YPEL5: variants seen among roughly 807,000 people sequenced by gnomAD.
YPEL5 encodes yippee like 5.
YPEL5 carries 1 observed loss-of-function variant against 10.5 expected under a neutral mutation model. The observed-to-expected ratio is 0.10, with a 90% CI of 0.03 to 0.45. The LOEUF is 0.45. Ranked by LOEUF, YPEL5 falls within the 20% of genes least tolerant of loss-of-function variation. The pLI is 0.97. For missense variants in YPEL5, 68 were observed against 159.3 expected (o/e 0.43, Z 3.09); for synonymous variants, 61 against 56.6 (o/e 1.08, Z -0.35).
chr2:30,149,153 A>G (rs1328528712), intron 1 of YPEL5, among the ~76,000 whole-genome samples: 3 of 152,218 alleles, frequency 2.0e-5, no homozygotes, highest in Non-Finnish European at 4.4e-5. Context: ...ATTGTGCACT[A>G]ACACACAAGG....
At chr2:30,150,416 AC>A (rs1675729023) in intron 1 of YPEL5, among the ~76,000 whole-genome samples, 1 of 152,196 alleles carries the variant, frequency 6.6e-6, no homozygotes, top group Non-Finnish European at 1.5e-5. Context: ...AGGATAACTC[AC>A]CCAGTGTTTC....
intron 1 of YPEL5, 62 bp from the exon 2 acceptor site, chr2:30,156,566 C>T (rs1483728315): frequency 6.7e-7 from 1 of 1,500,552 alleles, no homozygotes; most frequent in African/African-American, 1.4e-5. Context: ...TATGACACCC[C>T]CCAAGTAGGT....
At position 30,152,494 on chromosome 2, in the gene YPEL5, T is replaced by C. The variant is rs147123516; in HGVS notation, c.-24-4134T>C. Reference sequence around the variant, plus strand: ...TTTTTAAATGACTTACTAGGGTTTCTAGTTTAGGAGAGTTTGTGATTGCAG... The same window carrying C: ...TTTTTAAATGACTTACTAGGGTTTCCAGTTTAGGAGAGTTTGTGATTGCAG... On this transcript the variant is annotated intron_variant, in intron 1 of 2. Coordinates refer to ENST00000261353, the MANE Select transcript of YPEL5 (RefSeq NM_016061.3). Among the ~76,000 whole-genome samples the C allele has an allele frequency of 5.0e-3, 755 of 152,306 alleles. 12 individuals are homozygous for C. The highest frequency in any genetic ancestry group is 0.017 in the African/African-American group (727 of 41,556).
At chr2:30,157,351 G>A (rs1040913027) in intron 2 of YPEL5, among the ~76,000 whole-genome samples, 2 of 152,022 alleles carry the variant, frequency 1.3e-5, no homozygotes, top group Admixed American at 6.5e-5. Context: ...TAAGAATTTG[G>A]TAGCAACTTC....
rs539967905 is a variant in YPEL5, at chr2:30,149,393, A to G, written c.-25+2331A>G. 2.0e-5 allele frequency among the ~76,000 whole-genome samples: 3 copies of G among 152,320 alleles called. No homozygotes were observed. The East Asian group carries it at 5.8e-4, about 29-fold the overall frequency. ...GTCACGTACTGCAAGAGGAAAGCAG[A>G]GCTTGCTTGTGTCACTGAAAACTTA... On this transcript the variant is annotated intron_variant, in intron 1 of 2. Coordinates refer to ENST00000261353, the MANE Select transcript of YPEL5 (RefSeq NM_016061.3).
intron 2 of YPEL5, among the ~76,000 whole-genome samples, chr2:30,157,990 C>T (rs1676116518): frequency 6.6e-6 from 1 of 152,216 alleles, no homozygotes. Flanking sequence ...GAAATATGTA[C>T]TATCTGGCCC....
Position 30,158,788 on chromosome 2 carries a change from C to G in YPEL5, c.311C>G (p.Ala104Gly). ...GAAGGCCGCGTGATCCTGGAACGTG[C>G]TCTAGTTCGAGAGAGTGAGGGCTTT... ...YKEGRVILERALVRESEGFEE... is the reference protein window; with the variant it reads ...YKEGRVILERGLVRESEGFEE... The change falls in exon 3 of 3, where the codon GCT becomes GGT. Residue 104 changes from alanine (A) to glycine (G), a missense_variant. Physicochemically the swap from Ala to Gly is moderately conservative, Grantham distance 60 (BLOSUM62 0). This residue lies in a region of YPEL5 where 20 missense variants were observed against 21.0 expected (regional missense o/e 0.95). Coordinates refer to ENST00000261353, the MANE Select transcript of YPEL5 (RefSeq NM_016061.3). The G allele has an allele frequency of 6.2e-7, 1 of 1,614,180 alleles. No individual in the cohort carries two copies.
intron 1 of YPEL5, among the ~76,000 whole-genome samples, chr2:30,154,650 G>T (rs1675956699): frequency 6.6e-6 from 1 of 152,190 alleles, no homozygotes. Context: ...TTTTGTATCT[G>T]TTCACTGCTG....
intron 1 of YPEL5, among the ~76,000 whole-genome samples, chr2:30,153,109 G>T (rs1029883957): frequency 1.3e-5 from 2 of 152,082 alleles, no homozygotes; most frequent in South Asian, 2.1e-4. Flanking sequence ...CACAGTGTTA[G>T]CCAGGATGGT....
intron 1 of YPEL5, among the ~76,000 whole-genome samples, chr2:30,150,192 G>A (rs886621344): frequency 1.3e-5 from 2 of 152,186 alleles, no homozygotes; most frequent in African/African-American, 4.8e-5. Flanking sequence ...CCAGTTAATT[G>A]TTATTGTTTC....
intron 2 of YPEL5, among the ~76,000 whole-genome samples, chr2:30,157,067 G>A (rs1184401366): frequency 6.6e-6 from 1 of 152,102 alleles, no homozygotes; most frequent in Non-Finnish European, 1.5e-5. Flanking sequence ...GGCAGATCAC[G>A]AGGTCAGGAG....
intron 1 of YPEL5, among the ~76,000 whole-genome samples, chr2:30,155,623 T>G (rs1222395817): frequency 6.6e-6 from 1 of 152,252 alleles, no homozygotes; most frequent in Non-Finnish European, 1.5e-5. Flanking sequence ...TTAAGAATAC[T>G]GTTTAGGATA....
chr2:30,148,855 A>G (rs992873226), intron 1 of YPEL5, among the ~76,000 whole-genome samples: 3 of 152,350 alleles, frequency 2.0e-5, no homozygotes, highest in Admixed American at 1.3e-4. Flanking sequence ...TCCACGAGAC[A>G]TGAAGGTAGT....
intron 1 of YPEL5, among the ~76,000 whole-genome samples, chr2:30,153,103 G>A (rs953894440): frequency 5.3e-5 from 8 of 151,980 alleles, no homozygotes; most frequent in African/African-American, 1.9e-4. Flanking sequence ...GGGTTTCACA[G>A]TGTTAGCCAG....
At chr2:30,152,183 A>T (rs1049435632) in intron 1 of YPEL5, among the ~76,000 whole-genome samples, 1 of 152,236 alleles carries the variant, frequency 6.6e-6, no homozygotes, top group Admixed American at 6.5e-5. Flanking sequence ...TTTTTAAAAA[A>T]TAACCTGCAA....
intron 1 of YPEL5, among the ~76,000 whole-genome samples, chr2:30,151,958 C>G (rs900803032): frequency 7.9e-5 from 12 of 152,146 alleles, no homozygotes; most frequent in African/African-American, 2.9e-4. Context: ...AGACAGAAAG[C>G]AGATCAGTGG....
chr2:30,150,165 A>G (rs1174912612), intron 1 of YPEL5, among the ~76,000 whole-genome samples: 2 of 152,196 alleles, frequency 1.3e-5, no homozygotes, highest in Admixed American at 1.3e-4. Context: ...CTTTAGCATA[A>G]TTAGCAGGAA....
chr2:30,152,841 G>A (rs1292132158), intron 1 of YPEL5, among the ~76,000 whole-genome samples: 1 of 150,210 alleles, frequency 6.7e-6, no homozygotes, highest in Non-Finnish European at 1.5e-5. Context: ...AGAGAAGCCT[G>A]ATTCAAGTGT....
chr2:30,160,073 GTTTC>G lies in YPEL5; in HGVS notation c.*1234_*1237del, dbSNP rs2103525369. On this transcript the variant is annotated 3_prime_UTR_variant, in exon 3 of 3. Coordinates refer to ENST00000261353, the MANE Select transcript of YPEL5 (RefSeq NM_016061.3). ...CATTACACAATATTAAAATGTAAAT[GTTTC>G]TTTACCCAAACTACTTCTAGATATT... The G allele has an allele frequency of 6.5e-6, 1 of 152,678 alleles. No homozygotes were observed. Among genetic ancestry groups the G allele is most frequent in the African/African-American group, 2.4e-5 (1 of 41,546 alleles). The allele number at this position is 152,678 out of a possible 1,614,324, so 9.5% of individuals were successfully genotyped here. A position where few individuals can be genotyped will look rare whatever the true frequency, so the allele number is the denominator to read the frequency against.
Sources: allele counts gnomAD v4.1 joint callset (sites outside exome capture counted in the v4.1 genomes callset), GRCh38; gene constraint gnomAD v4.1.1; regional missense constraint gnomAD v4.1.1; transcripts MANE v1.5; gene names NCBI Gene and HGNC (gene_info 2026-07-23, HGNC 2026-07-21).